Variants in UNC13C observed in about 807,000 individuals in gnomAD.
UNC13C encodes protein unc-13 homolog C.
In UNC13C, 174 loss-of-function variants were observed where a neutral mutation model predicts 245.4. That is an observed-to-expected ratio of 0.71 (90% CI 0.63 to 0.80). The LOEUF is 0.80. Among genes scored for constraint, UNC13C ranks in the 30% least tolerant of loss-of-function variants. The pLI, the probability that UNC13C is intolerant of heterozygous loss-of-function variation, is 0.00. For synonymous variants in UNC13C, 992 were observed against 895.1 expected (o/e 1.11, Z -1.93); for missense variants, 2,829 against 2,602.9 (o/e 1.09, Z -1.89).
chr15:53,935,718 C>A, the UNC13C span, among the ~76,000 whole-genome samples: 1 of 152,144 alleles, frequency 6.6e-6, no homozygotes, highest in African/African-American at 2.4e-5. Flanking sequence ...AGCTTGGAGC[C>A]AGAAGAGCCC....
chr15:54,465,072 A>C (rs1596427072), intron 19 of UNC13C, among the ~76,000 whole-genome samples: 1 of 152,054 alleles, frequency 6.6e-6, no homozygotes, highest in African/African-American at 2.4e-5. Flanking sequence ...ATTTCAATAT[A>C]TATTGAAGCT....
intron 14 of UNC13C, among the ~76,000 whole-genome samples, chr15:54,327,616 G>A (rs2038331475): frequency 6.6e-6 from 1 of 152,074 alleles, no homozygotes; most frequent in Admixed American, 6.6e-5. Context: ...AGAGGCCAGA[G>A]CTCAATTAGA....
chr15:53,937,808 A>G, the UNC13C span, among the ~76,000 whole-genome samples: 34 of 152,322 alleles, frequency 2.2e-4, no homozygotes, highest in Middle Eastern at 3.4e-3. Context: ...ACGGAGAACA[A>G]TGTTCCTTTC....
chr15:54,600,671 T>A (rs1899361648), intron 30 of UNC13C, among the ~76,000 whole-genome samples: 1 of 152,148 alleles, frequency 6.6e-6, no homozygotes, highest in Non-Finnish European at 1.5e-5. Flanking sequence ...TTCTCACCAA[T>A]CAGTGTTTGT....
chr15:54,289,368 A>C (rs1596152333), intron 10 of UNC13C, among the ~76,000 whole-genome samples: 1 of 152,054 alleles, frequency 6.6e-6, no homozygotes, highest in South Asian at 2.1e-4. Context: ...ATGGTGGTCA[A>C]AGTTTATAGT....
At chr15:54,280,159 G>T (rs2036938016) in intron 10 of UNC13C, among the ~76,000 whole-genome samples, 1 of 151,948 alleles carries the variant, frequency 6.6e-6, no homozygotes, top group Non-Finnish European at 1.5e-5. Context: ...GGGGTTCTGT[G>T]GTTCTGTGTA....
the UNC13C span, among the ~76,000 whole-genome samples, chr15:53,857,219 C>A: frequency 6.6e-6 from 1 of 152,146 alleles, no homozygotes; most frequent in Non-Finnish European, 1.5e-5. Context: ...GCTCAGGAGG[C>A]TGTCTGATTC....
intron 30 of UNC13C, among the ~76,000 whole-genome samples, chr15:54,572,744 T>C (rs996008712): frequency 2.0e-5 from 3 of 152,098 alleles, no homozygotes; most frequent in African/African-American, 7.2e-5. Context: ...TAATTTTTAA[T>C]TCATGTTCTG....
At chr15:54,116,840 A>G (rs759200979) in intron 2 of UNC13C, among the ~76,000 whole-genome samples, 4 of 152,080 alleles carry the variant, frequency 2.6e-5, no homozygotes, top group African/African-American at 7.2e-5. Flanking sequence ...TTTTTTGAGG[A>G]ACCTCCGTAT....
intron 18 of UNC13C, among the ~76,000 whole-genome samples, chr15:54,405,699 G>GA (rs2040277490): frequency 1.3e-5 from 2 of 152,112 alleles, no homozygotes; most frequent in African/African-American, 4.8e-5. Flanking sequence ...TATGTTGTCT[G>GA]AAAAATGGAG....
At chr15:54,124,708 C>G (rs2030916254) in intron 2 of UNC13C, among the ~76,000 whole-genome samples, 1 of 152,144 alleles carries the variant, frequency 6.6e-6, no homozygotes, top group African/African-American at 2.4e-5. Context: ...AGCCCTATGT[C>G]TTGAAATTTT....
chr15:54,150,456 C>T (rs922186430), intron 4 of UNC13C, among the ~76,000 whole-genome samples: 1 of 152,196 alleles, frequency 6.6e-6, no homozygotes, highest in Non-Finnish European at 1.5e-5. Context: ...AGAGCAAGCA[C>T]ATAATGTCCT....
Position 54,494,742 on chromosome 15 carries a change from G to A in UNC13C, c.5060+8G>A, listed in dbSNP as rs773262290. On this transcript the variant is annotated splice_region_variant and intron_variant, in intron 20 of 32. Coordinates refer to ENST00000260323, the MANE Select transcript of UNC13C (RefSeq NM_001080534.3). ...TGTTCCTGAATACTCCTTGTAAGTA[G>A]TGATTTTAACACACACACCCTCAGA... 1 of 1,607,520 alleles carries A rather than the reference G, an allele frequency of 6.2e-7. No individual in the cohort carries two copies. The highest frequency in any genetic ancestry group is 8.5e-7 in the Non-Finnish European group (1 of 1,177,426).
At chr15:54,229,962 A>G (rs1452149962) in intron 4 of UNC13C, among the ~76,000 whole-genome samples, 2 of 152,016 alleles carry the variant, frequency 1.3e-5, no homozygotes, top group Non-Finnish European at 2.9e-5. Context: ...TTTTTTTTTA[A>G]GACTGACTAG....
intron 25 of UNC13C, among the ~76,000 whole-genome samples, chr15:54,528,047 T>G (rs1462761680): frequency 6.6e-6 from 1 of 152,154 alleles, no homozygotes; most frequent in East Asian, 1.9e-4. Flanking sequence ...CATAATTAAT[T>G]GTAAAAAATC....
intron 8 of UNC13C, among the ~76,000 whole-genome samples, chr15:54,263,713 G>A (rs1419259449): frequency 1.3e-5 from 2 of 152,082 alleles, no homozygotes; most frequent in Non-Finnish European, 2.9e-5. Flanking sequence ...CTATTTTAAT[G>A]TTTAGCAAAT....
intron 4 of UNC13C, among the ~76,000 whole-genome samples, chr15:54,177,759 T>C (rs1170205548): frequency 6.6e-6 from 1 of 152,176 alleles, no homozygotes; most frequent in Non-Finnish European, 1.5e-5. Context: ...TACTACTACC[T>C]ATCTATAGTT....
chr15:54,303,519 T>G (rs543518244), intron 13 of UNC13C, among the ~76,000 whole-genome samples: 1 of 152,180 alleles, frequency 6.6e-6, no homozygotes, highest in Admixed American at 6.5e-5. Context: ...ATGGTAAGTA[T>G]GTATCACATA....
chr15:53,913,890 C>G, the UNC13C span: 45 of 152,350 alleles, frequency 3.0e-4, no homozygotes, highest in African/African-American at 1.1e-3. Flanking sequence ...AGTACTAACA[C>G]CATATGGGTT....
Sources: gnomAD v4.1 joint callset for allele counts (sites outside exome capture counted in the v4.1 genomes callset) on GRCh38, gnomAD v4.1.1 for gene constraint, MANE v1.5 for transcripts, NCBI Gene and HGNC (gene_info 2026-07-23, HGNC 2026-07-21) for gene names.